The following ARHGEF38 variants were observed in gnomAD, a reference collection of about 807,000 sequenced individuals.
The protein encoded by ARHGEF38 is Rho guanine nucleotide exchange factor 38.
In ARHGEF38, 79 loss-of-function variants were observed where a neutral mutation model predicts 79.9. The ratio of observed to expected loss-of-function variants is 0.99; its 90% CI spans 0.82 to 1.19. The LOEUF is 1.19. Ranked by LOEUF, ARHGEF38 falls within the 50% of genes most tolerant of loss-of-function variation. ARHGEF38 has a pLI of 0.00. For synonymous variants in ARHGEF38, 366 were observed against 328.3 expected (o/e 1.11, Z -1.24); for missense variants, 962 against 907.2 (o/e 1.06, Z -0.78).
intron 2 of ARHGEF38, among the ~76,000 whole-genome samples, chr4:105,593,300 G>A (rs773361754): frequency 1.1e-4 from 16 of 152,088 alleles, no homozygotes; most frequent in Non-Finnish European, 1.5e-4. Context: ...ACTTTGGAAA[G>A]ATCAGCACAA....
rs113047925 is a variant in ARHGEF38 at position 105,637,451 on chromosome 4, A to G, written c.674+1031A>G. Reference sequence around the variant, plus strand: ...TTTTTTCAAAAGGAAAAACTATCCGACAGTATAAACAGATATGAGTAGATT... The same window carrying G: ...TTTTTTCAAAAGGAAAAACTATCCGGCAGTATAAACAGATATGAGTAGATT... On this transcript the variant is annotated intron_variant, in intron 5 of 13. Transcript: ENST00000420470. Among the ~76,000 whole-genome samples, 1,425 of 152,138 alleles carry G rather than the reference A, an allele frequency of 9.4e-3. 21 individuals are homozygous for G. Among genetic ancestry groups the G allele is most frequent in the African/African-American group, 0.031 (1,283 of 41,486 alleles).
chr4:105,620,201 T>C (rs1360235027), intron 3 of ARHGEF38, among the ~76,000 whole-genome samples: 2 of 152,208 alleles, frequency 1.3e-5, no homozygotes, highest in Non-Finnish European at 2.9e-5. Flanking sequence ...TCTTTATAGA[T>C]GGGAGTATGA....
intron 2 of ARHGEF38, among the ~76,000 whole-genome samples, chr4:105,607,062 C>A (rs767903307): frequency 4.5e-4 from 69 of 152,010 alleles, no homozygotes; most frequent in Non-Finnish European, 8.2e-4. Context: ...CTGCAGGACA[C>A]CTAAGAAAGT....
Position 105,645,178 on chromosome 4 carries a change from T to C in ARHGEF38, c.675-10T>C. On this transcript the variant is annotated splice_polypyrimidine_tract_variant and intron_variant, in intron 5 of 13. Transcript: ENST00000420470. Reference sequence around the variant, plus strand: ...GTTTGTGAAACTGATATTATTTATCTGTATTGTAGAGGCAAACCAAACTTA... The same window carrying C: ...GTTTGTGAAACTGATATTATTTATCCGTATTGTAGAGGCAAACCAAACTTA... 7.0e-6 allele frequency: 10 copies of C among 1,418,912 alleles called. No individual in the cohort carries two copies. Among genetic ancestry groups the C allele is most frequent in the Non-Finnish European group, 8.3e-6 (9 of 1,086,104 alleles). The allele number at this position is 1,418,912 out of a possible 1,614,324, so 87.9% of individuals were successfully genotyped here.
At chr4:105,658,486 T>C (rs1730427788) in intron 9 of ARHGEF38, among the ~76,000 whole-genome samples, 1 of 152,198 alleles carries the variant, frequency 6.6e-6, no homozygotes. Context: ...ATTAAGGGGT[T>C]ACTATCTGTA....
chr4:105,676,765 TA>T (rs1731137962), intron 13 of ARHGEF38, among the ~76,000 whole-genome samples: 1 of 152,042 alleles, frequency 6.6e-6, no homozygotes, highest in South Asian at 2.1e-4. Context: ...ACATTGTCAT[TA>T]TAAAGGTTTG....
At chr4:105,632,743 C>A (rs995146289) in intron 4 of ARHGEF38, 3 of 152,186 alleles carry the variant, frequency 2.0e-5, no homozygotes, top group African/African-American at 7.2e-5. Flanking sequence ...TCAAACCCCA[C>A]CCAATGCCAG....
intron 1 of ARHGEF38, among the ~76,000 whole-genome samples, chr4:105,566,198 G>C (rs6849270): frequency 0.86 from 130,969 of 152,220 alleles, 56,422 homozygotes; most frequent in East Asian, 0.95. Context: ...TTGTACTTCA[G>C]CTGCACTAAG....
chr4:105,565,298 A>C (rs1172307721), intron 1 of ARHGEF38, among the ~76,000 whole-genome samples: 1 of 152,146 alleles, frequency 6.6e-6, no homozygotes, highest in Non-Finnish European at 1.5e-5. Context: ...CCTGTCTGAC[A>C]TGCAATTATT....
chr4:105,621,200 T>C (rs1728723073), intron 3 of ARHGEF38, among the ~76,000 whole-genome samples: 1 of 152,146 alleles, frequency 6.6e-6, no homozygotes, highest in South Asian at 2.1e-4. Flanking sequence ...AACCACAGAG[T>C]TGAGCCCAGT....
intron 13 of ARHGEF38, among the ~76,000 whole-genome samples, chr4:105,669,037 T>A (rs931138276): frequency 6.6e-6 from 1 of 151,974 alleles, no homozygotes; most frequent in African/African-American, 2.4e-5. Flanking sequence ...CAGAGGGAGA[T>A]CCTGTCTTTA....
chr4:105,620,483 T>C (rs1285372585), intron 3 of ARHGEF38, among the ~76,000 whole-genome samples: 1 of 152,208 alleles, frequency 6.6e-6, no homozygotes, highest in Admixed American at 6.5e-5. Flanking sequence ...ATAGATGATG[T>C]TATAAATTAT....
chr4:105,678,570 G>A lies in ARHGEF38; in HGVS notation c.*633G>A, dbSNP rs1193650995. Reference sequence around the variant, plus strand: ...CTTGATATTAACATGTAACATTACTGAATGCACACTATATGCCAGACATTG... The same window carrying A: ...CTTGATATTAACATGTAACATTACTAAATGCACACTATATGCCAGACATTG... On this transcript the variant is annotated 3_prime_UTR_variant, in exon 14 of 14. Coordinates refer to ENST00000420470, the MANE Select transcript of ARHGEF38 (RefSeq NM_001242729.2). The A allele has an allele frequency of 6.6e-6, 1 of 152,120 alleles. No homozygotes were observed. Among genetic ancestry groups the A allele is most frequent in the African/African-American group, 2.4e-5 (1 of 41,446 alleles). 9.4% of individuals were successfully genotyped at this position (152,120 alleles called of 1,614,324 possible).
At chr4:105,586,958 G>C (rs1241931579) in intron 1 of ARHGEF38, among the ~76,000 whole-genome samples, 1 of 116,010 alleles carries the variant, frequency 8.6e-6, no homozygotes. Context: ...ATATTATGTT[G>C]TACATCTTGA....
At chr4:105,645,917 C>T (rs1229429194) in intron 6 of ARHGEF38, among the ~76,000 whole-genome samples, 1 of 152,170 alleles carries the variant, frequency 6.6e-6, no homozygotes, top group African/African-American at 2.4e-5. Flanking sequence ...TTATTGTTAA[C>T]TATTTGTAAG....
Position 105,677,878 on chromosome 4 carries a change from G to C in ARHGEF38, c.2275G>C (p.Ala759Pro). The C allele has an allele frequency of 6.5e-7, 1 of 1,534,826 alleles. No homozygotes were observed. Among genetic ancestry groups the C allele is most frequent in the East Asian group, 2.4e-5 (1 of 40,892 alleles). Residue 759 changes from alanine to proline, a missense_variant, in exon 14 of 14, where the codon GCT (alanine) becomes CCT (proline). Coordinates refer to ENST00000420470, the MANE Select transcript of ARHGEF38 (RefSeq NM_001242729.2). ...CAATAAAGAGTGGTGGTTAGCTGAA[G>C]CTCAAGGGCAGAAAGGATACGTGCC... is the stretch of plus-strand genomic sequence containing the variant. Reference protein sequence around the residue: ...SGNKEWWLAEAQGQKGYVPAN... With the variant: ...SGNKEWWLAEPQGQKGYVPAN...
chr4:105,595,679 T>C (rs1291839746), intron 2 of ARHGEF38, among the ~76,000 whole-genome samples: 2 of 152,168 alleles, frequency 1.3e-5, no homozygotes, highest in Non-Finnish European at 2.9e-5. Context: ...GTGTCTGACG[T>C]AAAATGCAAT....
chr4:105,671,322 C>G (rs1282007261), intron 13 of ARHGEF38, among the ~76,000 whole-genome samples: 1 of 152,178 alleles, frequency 6.6e-6, no homozygotes, highest in Non-Finnish European at 1.5e-5. Context: ...GGGAAAAAGT[C>G]TGTCCCAATA....
chr4:105,675,937 AT>A (rs1032548182), intron 13 of ARHGEF38, among the ~76,000 whole-genome samples: 8 of 152,226 alleles, frequency 5.3e-5, no homozygotes, highest in Non-Finnish European at 2.9e-5. Context: ...TACCTTGTGG[AT>A]TAGGCTTTCA....
Sources: allele counts gnomAD v4.1 joint callset (sites outside exome capture counted in the v4.1 genomes callset), GRCh38; gene constraint gnomAD v4.1.1; transcripts MANE v1.5; gene names NCBI Gene and HGNC (gene_info 2026-07-23, HGNC 2026-07-21).